MCC: variants seen among roughly 807,000 people sequenced by gnomAD.
The protein encoded by MCC is colorectal mutant cancer protein.
Under a neutral mutation model 116.2 loss-of-function variants are expected in MCC, and 90 were observed. That is an observed-to-expected ratio of 0.77 (90% CI 0.65 to 0.92). The LOEUF (loss-of-function observed/expected upper bound fraction) is 0.92, where lower values mean the gene tolerates loss of function less well. Among genes scored for constraint, MCC ranks in the 40% least tolerant of loss-of-function variants. The pLI is 0.00. For synonymous variants in MCC, 578 were observed against 510.5 expected, an observed-to-expected ratio of 1.13 and a Z score of -1.78; for missense variants, 1,516 against 1,312.2, an observed-to-expected ratio of 1.16 and a Z score of -2.40.
intron 3 of MCC, among the ~76,000 whole-genome samples, chr5:113,301,342 G>A (rs1339732526): frequency 6.6e-6 from 1 of 152,146 alleles, no homozygotes; most frequent in East Asian, 1.9e-4. Flanking sequence ...GTGCATGCCT[G>A]TAATCCCAGC....
In MCC at chr5:113,023,713, G is replaced by C. The variant is rs994582871; in HGVS notation, c.*3589C>G. 2.2e-4 allele frequency: 34 copies of C among 152,160 alleles called. 1 individual carries two copies. Among genetic ancestry groups the C allele is most frequent in the Admixed American group, 2.0e-3 (30 of 15,268 alleles). The allele number at this position is 152,160 out of a possible 1,614,324, so 9.4% of individuals were successfully genotyped here. On this transcript the variant is annotated 3_prime_UTR_variant, in exon 19 of 19. Transcript: ENST00000408903. ...TGCAAATTGTTTAAAGCCTTATGGAGGAAAGGACACTTTCAGAGATGTTTA... is the reference window on the plus strand; with the variant it reads ...TGCAAATTGTTTAAAGCCTTATGGACGAAAGGACACTTTCAGAGATGTTTA...
chr5:113,039,384 G>C (rs1005777295), intron 17 of MCC, among the ~76,000 whole-genome samples: 14 of 152,086 alleles, frequency 9.2e-5, no homozygotes. Flanking sequence ...GCATGACTTA[G>C]GCTGACATAT....
intron 1 of MCC, among the ~76,000 whole-genome samples, chr5:113,408,928 G>C (rs1452724621): frequency 2.6e-5 from 4 of 152,092 alleles, no homozygotes; most frequent in Non-Finnish European, 5.9e-5. Context: ...ACTAAGTAAG[G>C]CTTTATTTGA....
At chr5:113,094,423 CTTTT>C (rs397798890) in intron 8 of MCC, among the ~76,000 whole-genome samples, 4 of 134,756 alleles carry the variant, frequency 3.0e-5, no homozygotes, top group Non-Finnish European at 3.2e-5. Flanking sequence ...GGCAATCTTC[CTTTT>C]TTTTTTTTTT....
intron 1 of MCC, among the ~76,000 whole-genome samples, chr5:113,462,568 T>C (rs1771772430): frequency 6.6e-6 from 1 of 152,214 alleles, no homozygotes; most frequent in African/African-American, 2.4e-5. Context: ...AGGGCAGTTA[T>C]ATCAGATTCC....
chr5:113,383,687 C>T (rs1769179710), intron 2 of MCC, among the ~76,000 whole-genome samples: 1 of 151,904 alleles, frequency 6.6e-6, no homozygotes, highest in African/African-American at 2.4e-5. Flanking sequence ...CTTGAATACT[C>T]AGAAAGTTTG....
chr5:113,054,471 A>T (rs188678020), intron 14 of MCC, among the ~76,000 whole-genome samples: 15 of 152,380 alleles, frequency 9.8e-5, no homozygotes, highest in Admixed American at 7.8e-4. Context: ...GTTGAAGCAC[A>T]AAACTCCTAT....
In MCC at chr5:113,447,115, A is replaced by G. The variant is rs1771244299; in HGVS notation, c.170+41130T>C. On this transcript the variant is annotated intron_variant, in intron 1 of 18. Transcript: ENST00000408903. Reference sequence around the variant, plus strand: ...AGAGCTGGATGAAAAATAGGCATAAATTTATCTCTCTGGGCACCTTTGTCT... The same window carrying G: ...AGAGCTGGATGAAAAATAGGCATAAGTTTATCTCTCTGGGCACCTTTGTCT... Among the ~76,000 whole-genome samples, 3 of 152,112 alleles carry G rather than the reference A, an allele frequency of 2.0e-5. No homozygotes were observed. In the South Asian group the frequency reaches 6.2e-4, roughly 32 times the overall value.
At chr5:113,290,669 G>A (rs1004836386) in intron 3 of MCC, among the ~76,000 whole-genome samples, 8 of 152,146 alleles carry the variant, frequency 5.3e-5, no homozygotes, top group Admixed American at 3.3e-4. Flanking sequence ...GACCAATAGA[G>A]CTAACTGCTG....
intron 3 of MCC, among the ~76,000 whole-genome samples, chr5:113,184,822 G>C (rs1026457583): frequency 2.6e-5 from 4 of 152,094 alleles, no homozygotes; most frequent in Non-Finnish European, 5.9e-5. Flanking sequence ...CTTCAACTTC[G>C]CATCTCCAAT....
chr5:113,158,635 C>G (rs541398437), intron 3 of MCC, among the ~76,000 whole-genome samples: 185 of 152,254 alleles, frequency 1.2e-3, no homozygotes, highest in African/African-American at 4.4e-3. Flanking sequence ...ACCATCACCA[C>G]AATGCTGTGA....
chr5:113,126,798 G>T (rs1043688706), intron 5 of MCC, among the ~76,000 whole-genome samples: 2 of 152,178 alleles, frequency 1.3e-5, no homozygotes, highest in Non-Finnish European at 2.9e-5. Context: ...TAAGTTTTTG[G>T]TGAGTCATGA....
intron 3 of MCC, among the ~76,000 whole-genome samples, chr5:113,332,872 G>A (rs1263778906): frequency 6.6e-6 from 1 of 151,626 alleles, no homozygotes; most frequent in Admixed American, 6.6e-5. Context: ...CTGATTCTTA[G>A]AGGATCTAAT....
intron 1 of MCC, among the ~76,000 whole-genome samples, chr5:113,406,988 T>C (rs185298617): frequency 1.3e-4 from 20 of 152,316 alleles, no homozygotes; most frequent in African/African-American, 4.6e-4. Flanking sequence ...TTTATATACT[T>C]AGTGAGAACA....
chr5:113,453,882 G>A (rs6861786), intron 1 of MCC, among the ~76,000 whole-genome samples: 30,930 of 151,990 alleles, frequency 0.2, 3,596 homozygotes, highest in Admixed American at 0.33. Context: ...AGGCTGAGGC[G>A]TGTGGATCAC....
At chr5:113,368,495 C>A (rs537753705) in intron 2 of MCC, among the ~76,000 whole-genome samples, 1 of 152,276 alleles carries the variant, frequency 6.6e-6, no homozygotes, top group Admixed American at 6.5e-5. Flanking sequence ...AACTTTCTTA[C>A]CTTTTCTTTC....
At position 113,053,594 on chromosome 5, in the gene MCC, T is replaced by C. The variant is rs536360349; in HGVS notation, c.2448+131A>G. ...CAGACATAGTGAAACCAGCTCTGTC[T>C]ATAAACAAGGGTCTAGCTCTTCTCT... is the stretch of plus-strand genomic sequence containing the variant. On this transcript the variant is annotated intron_variant, in intron 15 of 18. Transcript: ENST00000408903. The C allele has an allele frequency of 9.3e-6, 6 of 642,328 alleles. No homozygotes were observed. In the South Asian group the frequency reaches 1.2e-4, roughly 13 times the overall value. 39.8% of individuals were successfully genotyped at this position (642,328 alleles called of 1,614,324 possible).
chr5:113,433,691 G>A (rs1439465083), intron 1 of MCC: 10 of 1,573,296 alleles, frequency 6.4e-6, no homozygotes, highest in Non-Finnish European at 7.8e-6. Flanking sequence ...CAGAGCTTGG[G>A]CTTTAAGCCG....
intron 1 of MCC, among the ~76,000 whole-genome samples, chr5:113,449,063 C>T (rs990181708): frequency 6.6e-6 from 1 of 152,178 alleles, no homozygotes; most frequent in African/African-American, 2.4e-5. Flanking sequence ...CTCTACTGGT[C>T]ATCAGGAAAA....
Sources: allele counts gnomAD v4.1 joint callset (sites outside exome capture counted in the v4.1 genomes callset), GRCh38; gene constraint gnomAD v4.1.1; transcripts MANE v1.5; gene names NCBI Gene and HGNC (gene_info 2026-07-23, HGNC 2026-07-21).